Variants in KAZN observed in about 807,000 individuals in gnomAD.
KAZN encodes kazrin.
A neutral mutation model predicts 87.4 loss-of-function variants in KAZN; 40 were observed. That is an observed-to-expected ratio of 0.46 (90% CI 0.36 to 0.60). The LOEUF is 0.60. KAZN is among the 20% of genes least tolerant of loss of function. KAZN has a pLI of 0.00. For synonymous variants in KAZN, 466 were observed against 458.3 expected (o/e 1.02, Z -0.22); for missense variants, 898 against 1,073.9 (o/e 0.84, Z 2.29).
chr1:14,583,760 C>A (rs181740097), intron 2 of KAZN, among the ~76,000 whole-genome samples: 1 of 152,328 alleles, frequency 6.6e-6, no homozygotes, highest in Admixed American at 6.5e-5. Flanking sequence ...AGTATCCACT[C>A]TGCAGGCTAG....
chr1:14,975,964 G>C (rs193026112), intron 2 of KAZN, among the ~76,000 whole-genome samples: 1 of 151,088 alleles, frequency 6.6e-6, no homozygotes, highest in Admixed American at 6.6e-5. Flanking sequence ...CCCGGGAGGC[G>C]GAGCTTGCAG....
At chr1:14,754,947 A>G (rs1034049782) in intron 1 of KAZN, among the ~76,000 whole-genome samples, 1 of 151,968 alleles carries the variant, frequency 6.6e-6, no homozygotes, top group Non-Finnish European at 1.5e-5. Context: ...ATTAAGTGAA[A>G]CAAGTCTCGC....
intron 2 of KAZN, among the ~76,000 whole-genome samples, chr1:14,422,023 A>G (rs777023058): frequency 1.3e-5 from 2 of 152,234 alleles, no homozygotes; most frequent in African/African-American, 2.4e-5. Flanking sequence ...CACTCCAGTG[A>G]CTGAGATTTG....
At chr1:13,965,059 G>T (rs1467522053) in intron 1 of KAZN, among the ~76,000 whole-genome samples, 1 of 152,150 alleles carries the variant, frequency 6.6e-6, no homozygotes, top group Admixed American at 6.5e-5. Flanking sequence ...GAGGCTGGAG[G>T]GCAGAGTGAG....
chr1:14,105,668 A>G (rs1003048947), intron 1 of KAZN, among the ~76,000 whole-genome samples: 1 of 152,216 alleles, frequency 6.6e-6, no homozygotes, highest in Admixed American at 6.5e-5. Flanking sequence ...ATGATCATCA[A>G]CAATTCTCTA....
chr1:14,021,018 G>T (rs1485807737), intron 1 of KAZN, among the ~76,000 whole-genome samples: 1 of 152,166 alleles, frequency 6.6e-6, no homozygotes, highest in Non-Finnish European at 1.5e-5. Context: ...ATTAAGCAAG[G>T]TGGTGATTTT....
intron 1 of KAZN, among the ~76,000 whole-genome samples, chr1:14,799,660 G>A (rs186689567): frequency 2.0e-5 from 3 of 152,276 alleles, no homozygotes; most frequent in African/African-American, 4.8e-5. Context: ...AGATCTGGTC[G>A]ATGTCAAGAA....
rs114867866 is a variant in KAZN, at chr1:14,343,717, A to C, written c.249+163125A>C. ...TTGTGCCTAAAATGGTTTGCAAACA[A>C]ATCGAATTTTTAAAATCTCCCTTTC... On this transcript the variant is annotated intron_variant, in intron 2 of 16. Coordinates refer to the KAZN transcript ENST00000636203. Among the ~76,000 whole-genome samples the C allele has an allele frequency of 1.0e-2, 1,516 of 152,324 alleles. 29 individuals are homozygous for C. The highest frequency in any genetic ancestry group is 0.035 in the African/African-American group (1,454 of 41,568).
chr1:14,596,314 A>G (rs879664371), upstream of KAZN, among the ~76,000 whole-genome samples: 1,745 of 141,180 alleles, frequency 0.012, 39 homozygotes, highest in East Asian at 0.073. Flanking sequence ...GTGCGCACAC[A>G]CACACACACA....
At chr1:14,016,061 G>T (rs976583246) in intron 1 of KAZN, among the ~76,000 whole-genome samples, 3 of 152,112 alleles carry the variant, frequency 2.0e-5, no homozygotes, top group African/African-American at 7.2e-5. Context: ...AGAATGCAAT[G>T]GTTCTGAGCC....
intron 1 of KAZN, among the ~76,000 whole-genome samples, chr1:14,696,548 G>A (rs1290489338): frequency 6.6e-6 from 1 of 152,174 alleles, no homozygotes; most frequent in East Asian, 1.9e-4. Context: ...GAGGGGTTTG[G>A]CAACATTGCA....
intron 1 of KAZN, among the ~76,000 whole-genome samples, chr1:13,901,380 G>A (rs1470642308): frequency 6.6e-6 from 1 of 152,190 alleles, no homozygotes; most frequent in Non-Finnish European, 1.5e-5. Flanking sequence ...GCAGTTTAAG[G>A]TTAAAAAGAC....
At chr1:14,149,489 C>A (rs896374052) in intron 1 of KAZN, among the ~76,000 whole-genome samples, 4 of 152,122 alleles carry the variant, frequency 2.6e-5, no homozygotes, top group South Asian at 4.1e-4. Flanking sequence ...CCAAGTCTTT[C>A]CGGAGTTCTG....
chr1:14,086,651 G>T (rs1643866898), intron 1 of KAZN, among the ~76,000 whole-genome samples: 2 of 152,068 alleles, frequency 1.3e-5, no homozygotes, highest in Admixed American at 1.3e-4. Flanking sequence ...TGTACTCAAA[G>T]AATTAATATT....
intron 2 of KAZN, among the ~76,000 whole-genome samples, chr1:14,963,860 T>TG (rs1490577897): frequency 6.6e-6 from 1 of 152,150 alleles, no homozygotes; most frequent in African/African-American, 2.4e-5. Context: ...TGACTCCCAC[T>TG]TATGAGTGAG....
At chr1:14,329,094 G>A (rs1411291555) in intron 2 of KAZN, among the ~76,000 whole-genome samples, 1 of 152,136 alleles carries the variant, frequency 6.6e-6, no homozygotes, top group African/African-American at 2.4e-5. Flanking sequence ...TTAGATCCAG[G>A]TGCTGGAACA....
chr1:14,669,798 T>G (rs1639805313), intron 1 of KAZN, among the ~76,000 whole-genome samples: 1 of 152,130 alleles, frequency 6.6e-6, no homozygotes, highest in Non-Finnish European at 1.5e-5. Flanking sequence ...CCTGTGAACC[T>G]CGTCTCCAAT....
intron 2 of KAZN, among the ~76,000 whole-genome samples, chr1:15,003,108 C>G (rs552537062): frequency 1.3e-5 from 2 of 152,036 alleles, no homozygotes; most frequent in Admixed American, 6.6e-5. Context: ...AAAGGCCCCA[C>G]GGCTGGGACG....
At chr1:14,424,186 G>A (rs1041731057) in intron 2 of KAZN, among the ~76,000 whole-genome samples, 1 of 152,142 alleles carries the variant, frequency 6.6e-6, no homozygotes, top group Non-Finnish European at 1.5e-5. Flanking sequence ...TGAGAATGAG[G>A]ATACACACCT....
Sources: gnomAD v4.1 joint callset for allele counts (sites outside exome capture counted in the v4.1 genomes callset) on GRCh38, gnomAD v4.1.1 for gene constraint, MANE v1.5 for transcripts, NCBI Gene and HGNC (gene_info 2026-07-23, HGNC 2026-07-21) for gene names.